RPL15: variants seen among roughly 807,000 people sequenced by gnomAD.
The protein encoded by RPL15 is large ribosomal subunit protein eL15.
For missense variants in RPL15, 161 were observed against 271.8 expected (o/e 0.59, Z 2.87); for synonymous variants, 97 against 95.1 (o/e 1.02, Z -0.12).
In RPL15 at chr3:23,920,402, C is replaced by G. The variant is rs1244886514; in HGVS notation, c.*901C>G. ...CATGGTTTCCAACCATATGTGTTTT[C>G]TGCAGTTATTTCTCTTGTTCTGGCC... On this transcript the variant is annotated 3_prime_UTR_variant, in exon 4 of 4. Coordinates refer to ENST00000307839, the MANE Select transcript of RPL15 (RefSeq NM_002948.5). 1 of 985,292 alleles carries G rather than the reference C, an allele frequency of 1.0e-6. No homozygotes were observed. The highest frequency in any genetic ancestry group is 1.2e-6 in the Non-Finnish European group (1 of 829,910). The allele number at this position is 985,292 out of a possible 1,614,324, so 61.0% of individuals were successfully genotyped here. A position where few individuals can be genotyped will look rare whatever the true frequency, so the allele number is the denominator to read the frequency against.
chr3:23,917,818 G>T (rs774610114), intron 1 of RPL15, 32 bp from the exon 2 acceptor site: 1 of 1,575,924 alleles, frequency 6.3e-7, no homozygotes, highest in Admixed American at 1.8e-5. Context: ...ACTTAAAGCG[G>T]ATGATATTTA....
At chr3:23,919,093 A>C (rs1704914206) in intron 3 of RPL15, 103 bp from the exon 4 acceptor site, 1 of 757,294 alleles carries the variant, frequency 1.3e-6, no homozygotes, top group South Asian at 1.7e-5. Flanking sequence ...GTAGTAAAAG[A>C]CTCTTGTCTG....
At position 23,918,454 on chromosome 3, in the gene RPL15, A is replaced by C. The variant is rs1704831405; in HGVS notation, c.187A>C (p.Arg63=). The C allele has an allele frequency of 6.2e-7, 1 of 1,612,682 alleles. No homozygotes were observed. The highest frequency in any genetic ancestry group is 1.1e-5 in the South Asian group (1 of 90,998). Residue 63 remains arginine, a synonymous_variant, in exon 3 of 4, where the codon AGG becomes CGG. Transcript: ENST00000307839. ...TTTGTGTGTAGGTTACGTTATATAT[A>C]GGATTCGTGTTCGCCGTGGTGGCCG... ...YKAKQGYVIY[R]IRVRRGGRKR...
At chr3:23,921,531 A>G, downstream of RPL15, 3 of 671,664 alleles carry the variant, frequency 4.5e-6, no homozygotes, top group South Asian at 3.2e-5. Context: ...TACTATTTCT[A>G]TATTGGCATG....
rs565843350 is a variant in RPL15 at position 23,918,603 on chromosome 3, T to C, written c.309+27T>C. 25 of 1,608,936 alleles carry C rather than the reference T, an allele frequency of 1.6e-5. No homozygotes were observed. The South Asian group carries it at 2.3e-4, about 15-fold the overall frequency. ...TAAATGGTTTTGAGTAGCAGTTATA[T>C]TGAATACTGCCTGGGGATGGTGGGA... On this transcript the variant is annotated intron_variant, in intron 3 of 3. Coordinates refer to ENST00000307839, the MANE Select transcript of RPL15 (RefSeq NM_002948.5).
rs1230873143 is a variant in RPL15, at chr3:23,920,645, G to C, written c.*1144G>C. 3 of 984,962 alleles carry C rather than the reference G, an allele frequency of 3.0e-6. No homozygotes were observed. Among genetic ancestry groups the C allele is most frequent in the Non-Finnish European group, 3.6e-6 (3 of 829,696 alleles). 61.0% of individuals were successfully genotyped at this position (984,962 alleles called of 1,614,324 possible). On this transcript the variant is annotated 3_prime_UTR_variant, in exon 4 of 4. Transcript: ENST00000307839. Reference sequence around the variant, plus strand: ...CTTTGCTGACTTAATTTAAATGCTCGTTCTGAACCAATTTTCTCCTATCTT... The same window carrying C: ...CTTTGCTGACTTAATTTAAATGCTCCTTCTGAACCAATTTTCTCCTATCTT...
At chr3:23,919,168 T>C (rs1424304000) in intron 3 of RPL15, 28 bp from the exon 4 acceptor site, 1 of 1,530,062 alleles carries the variant, frequency 6.5e-7, no homozygotes, top group Admixed American at 1.7e-5. Flanking sequence ...TGTGGGAGAT[T>C]GACCTTGGGC....
At position 23,919,895 on chromosome 3, in the gene RPL15, T is replaced by C. The variant is rs1325423388; in HGVS notation, c.*394T>C. ...GGTTTATTTTCAAGTGGCTGCGTTT[T>C]TTTTAGTTTGGCAGGTGTAGACTTT... is the stretch of plus-strand genomic sequence containing the variant. On this transcript the variant is annotated 3_prime_UTR_variant, in exon 4 of 4. Transcript: ENST00000307839. The C allele has an allele frequency of 4.0e-6, 4 of 994,326 alleles. No individual in the cohort carries two copies. Among genetic ancestry groups the C allele is most frequent in the Non-Finnish European group, 3.6e-6 (3 of 835,808 alleles). 61.6% of individuals were successfully genotyped at this position (994,326 alleles called of 1,614,324 possible). A position where few individuals can be genotyped will look rare whatever the true frequency, so the allele number is the denominator to read the frequency against.
At chr3:23,921,541 G>A, downstream of RPL15, 1 of 643,452 alleles carries the variant, frequency 1.6e-6, no homozygotes, top group East Asian at 3.0e-5. Context: ...ATATTGGCAT[G>A]TAATTCACAC....
At chr3:23,917,740 T>C (rs1294068086) in intron 1 of RPL15, 110 bp from the exon 2 acceptor site, 1 of 1,156,136 alleles carries the variant, frequency 8.6e-7, no homozygotes, top group Non-Finnish European at 1.2e-6. Context: ...GCAGAGCCAT[T>C]TTCATTCCCG....
downstream of RPL15, chr3:23,923,856 C>T (rs1295570798): frequency 6.6e-6 from 1 of 152,140 alleles, no homozygotes; most frequent in African/African-American, 2.4e-5. Context: ...GGATATCTGC[C>T]AGTCTGTTAG....
chr3:23,917,822 A>T, intron 1 of RPL15, 28 bp from the exon 2 acceptor site: 1 of 1,582,660 alleles, frequency 6.3e-7, no homozygotes, highest in Non-Finnish European at 8.6e-7. Flanking sequence ...AAAGCGGATG[A>T]TATTTAATAC....
chr3:23,918,290 A>G (rs1236061973), intron 2 of RPL15, 150 bp from the exon 3 acceptor site: 19 of 1,023,276 alleles, frequency 1.9e-5, no homozygotes, highest in Non-Finnish European at 2.4e-5. Flanking sequence ...AGGTGCATTG[A>G]AAAAGACTGG....
Position 23,919,700 on chromosome 3 carries a change from TCTTTG to T in RPL15, c.*204_*208del. 3.6e-6 allele frequency: 5 copies of T among 1,385,082 alleles called. No homozygotes were observed. The highest frequency in any genetic ancestry group is 1.4e-5 in the African/African-American group (1 of 69,254). The allele number at this position is 1,385,082 out of a possible 1,614,324, so 85.8% of individuals were successfully genotyped here. ...GTTTCTAATAAGATAAACTTTTTTG[TCTTTG>T]CTTTATCTTATTAGGGAGTTGTATG... On this transcript the variant is annotated 3_prime_UTR_variant, in exon 4 of 4. Coordinates refer to ENST00000307839, the MANE Select transcript of RPL15 (RefSeq NM_002948.5).
intron 3 of RPL15, 55 bp from the exon 4 acceptor site, chr3:23,919,141 C>G: frequency 8.2e-7 from 1 of 1,226,214 alleles, no homozygotes; most frequent in East Asian, 2.3e-5. Context: ...TTCTTTCTGA[C>G]TTGCTGCTAT....
At chr3:23,921,547 C>G, downstream of RPL15, 2 of 678,174 alleles carry the variant, frequency 2.9e-6, no homozygotes, top group Non-Finnish European at 5.3e-6. Context: ...GCATGTAATT[C>G]ACACAGCAAC....
At chr3:23,921,569 A>AT, downstream of RPL15, 34 of 512,662 alleles carry the variant, frequency 6.6e-5, no homozygotes, top group East Asian at 2.1e-4. Flanking sequence ...TTGATTATTG[A>AT]GTTTTTTTTT....
chr3:23,921,666 C>T (rs1243809051), downstream of RPL15: 3 of 684,030 alleles, frequency 4.4e-6, no homozygotes, highest in Non-Finnish European at 7.9e-6. Flanking sequence ...CCTCTGTCTC[C>T]CGGGTTTGAG....
In RPL15 at chr3:23,919,828, A is replaced by G. The variant is rs1178451864; in HGVS notation, c.*327A>G. On this transcript the variant is annotated 3_prime_UTR_variant, in exon 4 of 4. Coordinates refer to ENST00000307839, the MANE Select transcript of RPL15 (RefSeq NM_002948.5). ...CCTGTAGATTTGTCTGGTGCATGTGATGAAACCTGCAGCTTTATCGGAGTG... is the reference window on the plus strand; with the variant it reads ...CCTGTAGATTTGTCTGGTGCATGTGGTGAAACCTGCAGCTTTATCGGAGTG... 6.7e-6 allele frequency: 7 copies of G among 1,038,710 alleles called. No individual in the cohort carries two copies. In the East Asian group the frequency reaches 4.7e-4, roughly 70 times the overall value. 64.3% of individuals were successfully genotyped at this position (1,038,710 alleles called of 1,614,324 possible). A position where few individuals can be genotyped will look rare whatever the true frequency, so the allele number is the denominator to read the frequency against.
Sources: gnomAD v4.1 joint callset for allele counts on GRCh38, gnomAD v4.1.1 for gene constraint, MANE v1.5 for transcripts, NCBI Gene and HGNC (gene_info 2026-07-23, HGNC 2026-07-21) for gene names.